ADGRG6: variants seen among roughly 807,000 people sequenced by gnomAD.
ADGRG6 encodes adhesion G protein-coupled receptor G6.
Under a neutral mutation model 142.4 loss-of-function variants are expected in ADGRG6, and 84 were observed. The observed-to-expected ratio is 0.59, with a 90% CI of 0.49 to 0.71. The LOEUF (loss-of-function observed/expected upper bound fraction) is 0.71, where lower values mean the gene tolerates loss of function less well. ADGRG6 is among the 30% of genes least tolerant of loss of function. The pLI, the probability that ADGRG6 is intolerant of heterozygous loss-of-function variation, is 0.00. For missense variants in ADGRG6, 1,367 were observed against 1,466.6 expected, an observed-to-expected ratio of 0.93 and a Z score of 1.11; for synonymous variants, 521 against 520.5, an observed-to-expected ratio of 1.00 and a Z score of -0.01.
chr6:142,346,396 C>T (rs1192435482), intron 2 of ADGRG6, among the ~76,000 whole-genome samples: 2 of 152,088 alleles, frequency 1.3e-5, no homozygotes, highest in Non-Finnish European at 2.9e-5. Flanking sequence ...TCTCTAATGA[C>T]CAGTCATGAT....
chr6:142,361,884 G>T (rs1159621832), intron 2 of ADGRG6, among the ~76,000 whole-genome samples: 1 of 152,040 alleles, frequency 6.6e-6, no homozygotes, highest in Non-Finnish European at 1.5e-5. Context: ...ATATGTGTGG[G>T]TGTGTGTACA....
rs9496366 is a variant in ADGRG6 at position 142,394,631 on chromosome 6, G to T, written c.1424+673G>T. 4.6e-3 allele frequency among the ~76,000 whole-genome samples: 697 copies of T among 150,252 alleles called. 6 individuals are homozygous for T. Among genetic ancestry groups the T allele is most frequent in the African/African-American group, 0.016 (660 of 40,730 alleles). On this transcript the variant is annotated intron_variant, in intron 9 of 24. Transcript: ENST00000367609. Reference sequence around the variant, plus strand: ...GAGTCTCACTTTGTCACCCGGGCTGGAGTGCAGTGGTGTGACCATCACTCA... The same window carrying T: ...GAGTCTCACTTTGTCACCCGGGCTGTAGTGCAGTGGTGTGACCATCACTCA...
At chr6:142,393,872 G>T in intron 8 of ADGRG6, 24 bp from the exon 9 acceptor site, 1 of 1,427,930 alleles carries the variant, frequency 7.0e-7, no homozygotes. Flanking sequence ...GTGGATTAAT[G>T]AATATATGTA....
chr6:142,347,088 T>C (rs1156877761), intron 2 of ADGRG6, among the ~76,000 whole-genome samples: 1 of 152,178 alleles, frequency 6.6e-6, no homozygotes, highest in East Asian at 1.9e-4. Flanking sequence ...AACATATTTG[T>C]TTATTTGTTT....
chr6:142,325,710 T>C (rs1191847261), intron 2 of ADGRG6, among the ~76,000 whole-genome samples: 2 of 152,114 alleles, frequency 1.3e-5, no homozygotes, highest in African/African-American at 4.8e-5. Context: ...CTTTTACTAA[T>C]TTATCTGATA....
chr6:142,405,736 C>T lies in ADGRG6; in HGVS notation c.2176C>T (p.Pro726Ser). Residue 726 changes from proline (P) to serine (S), a missense_variant, in exon 15 of 25, where the codon CCT becomes TCT. Physicochemically the swap from Pro to Ser is moderately conservative, Grantham distance 74. Coordinates refer to ENST00000367609, the MANE Select transcript of ADGRG6 (RefSeq NM_198569.3). ...GGATCCACTGGCATCTGTAATTTTGCCTCCAAACTTACTTGAGAATTTAAG... is the reference window on the plus strand; with the variant it reads ...GGATCCACTGGCATCTGTAATTTTGTCTCCAAACTTACTTGAGAATTTAAG... ...QVDPLASVIL[P>S]PNLLENLSPE... 6.2e-7 allele frequency: 1 copy of T among 1,604,282 alleles called. No homozygotes were observed. The highest frequency in any genetic ancestry group is 8.5e-7 in the Non-Finnish European group (1 of 1,172,104).
At chr6:142,413,668 C>T (rs1276446741) in intron 18 of ADGRG6, among the ~76,000 whole-genome samples, 1 of 152,132 alleles carries the variant, frequency 6.6e-6, no homozygotes, top group African/African-American at 2.4e-5. Flanking sequence ...GTTAGCCTAT[C>T]TGTGAATCAA....
intron 4 of ADGRG6, among the ~76,000 whole-genome samples, chr6:142,379,495 C>T (rs191956792): frequency 3.3e-4 from 50 of 152,298 alleles, no homozygotes; most frequent in Admixed American, 1.6e-3. Flanking sequence ...AGGCCGGGCA[C>T]GGTGGCTCAC....
chr6:142,388,644 C>T lies in ADGRG6; in HGVS notation c.1223-1614C>T, dbSNP rs545684788. Reference sequence around the variant, plus strand: ...TACAGCTGGGCAAAATCATCTAACACAGAGTCTATTTTATAATAAAGTGTT... The same window carrying T: ...TACAGCTGGGCAAAATCATCTAACATAGAGTCTATTTTATAATAAAGTGTT... On this transcript the variant is annotated intron_variant, in intron 6 of 24. Coordinates refer to ENST00000367609, the MANE Select transcript of ADGRG6 (RefSeq NM_198569.3). Among the ~76,000 whole-genome samples the T allele has an allele frequency of 5.9e-5, 9 of 152,170 alleles. No individual in the cohort carries two copies. In the South Asian group the frequency reaches 1.9e-3, roughly 32 times the overall value.
chr6:142,373,060 A>G (rs1411189184), intron 4 of ADGRG6, among the ~76,000 whole-genome samples: 2 of 152,194 alleles, frequency 1.3e-5, no homozygotes, highest in Non-Finnish European at 1.5e-5. Context: ...ATCCCATGTT[A>G]CGGGTTCTAT....
At chr6:142,366,715 A>T (rs941843005) in intron 2 of ADGRG6, among the ~76,000 whole-genome samples, 1 of 149,848 alleles carries the variant, frequency 6.7e-6, no homozygotes. Context: ...GAATTATGCC[A>T]CTTCCCTCCA....
intron 2 of ADGRG6, among the ~76,000 whole-genome samples, chr6:142,353,365 C>T (rs1298544967): frequency 1.3e-5 from 2 of 152,146 alleles, no homozygotes; most frequent in African/African-American, 4.8e-5. Context: ...TAACAAGATG[C>T]CAATCATCTT....
intron 2 of ADGRG6, among the ~76,000 whole-genome samples, chr6:142,345,793 C>G (rs904577410): frequency 8.5e-5 from 13 of 152,060 alleles, no homozygotes; most frequent in Non-Finnish European, 5.9e-5. Flanking sequence ...TTAAATTTGA[C>G]TATTTCAGTA....
chr6:142,379,134 A>G (rs1385187850), intron 4 of ADGRG6, among the ~76,000 whole-genome samples: 1 of 152,044 alleles, frequency 6.6e-6, no homozygotes, highest in Non-Finnish European at 1.5e-5. Context: ...TGTTTACCCT[A>G]CCCCACCTAA....
At chr6:142,380,700 T>C (rs926045090) in intron 4 of ADGRG6, among the ~76,000 whole-genome samples, 3 of 152,164 alleles carry the variant, frequency 2.0e-5, no homozygotes, top group Non-Finnish European at 4.4e-5. Flanking sequence ...GCCTTCTTCT[T>C]TGAAATGGAT....
At chr6:142,381,173 G>A (rs1781753129) in intron 4 of ADGRG6, among the ~76,000 whole-genome samples, 1 of 152,086 alleles carries the variant, frequency 6.6e-6, no homozygotes, top group Non-Finnish European at 1.5e-5. Flanking sequence ...GGAAAGTTTT[G>A]AAATATTTAT....
chr6:142,414,096 C>A (rs1016564805), intron 18 of ADGRG6, among the ~76,000 whole-genome samples: 1 of 152,014 alleles, frequency 6.6e-6, no homozygotes, highest in Admixed American at 6.6e-5. Context: ...AAGAACACTC[C>A]ATTTTTTAAC....
intron 2 of ADGRG6, among the ~76,000 whole-genome samples, chr6:142,328,977 A>C (rs1778913135): frequency 6.6e-6 from 1 of 152,142 alleles, no homozygotes; most frequent in Non-Finnish European, 1.5e-5. Flanking sequence ...CTGAGATGGT[A>C]GTAGAGTATA....
At chr6:142,406,116 CT>C in intron 15 of ADGRG6, among the ~76,000 whole-genome samples, 1 of 151,464 alleles carries the variant, frequency 6.6e-6, no homozygotes, top group African/African-American at 2.4e-5. Context: ...TTTATTATTA[CT>C]TTTATTAAAT....
Sources: gnomAD v4.1 joint callset for allele counts (sites outside exome capture counted in the v4.1 genomes callset) on GRCh38, gnomAD v4.1.1 for gene constraint, MANE v1.5 for transcripts, NCBI Gene and HGNC (gene_info 2026-07-23, HGNC 2026-07-21) for gene names.